Variants in PRSS3 observed in about 807,000 individuals in gnomAD.
PRSS3 encodes serine protease 3, also known as trypsin-3.
In PRSS3, 14 loss-of-function variants were observed where a neutral mutation model predicts 20.8. That is an observed-to-expected ratio of 0.67 (90% confidence interval 0.44 to 1.05). PRSS3 has a LOEUF of 1.05. PRSS3 is among the 50% of genes least tolerant of loss of function. The pLI is 0.00. For synonymous variants in PRSS3, 91 were observed against 117.6 expected (o/e 0.77, Z 1.46); for missense variants, 237 against 306.4 (o/e 0.77, Z 1.69).
chr9:33,752,017 G>A (rs116924084), intron 1 of PRSS3, among the ~76,000 whole-genome samples: 5,756 of 152,286 alleles, frequency 0.038, 153 homozygotes, highest in Non-Finnish European at 0.054. Context: ...TAAGCAAAAG[G>A]TGAGGCATGA....
upstream of PRSS3, among the ~76,000 whole-genome samples, chr9:33,794,152 C>A (rs1266680901): frequency 1.3e-5 from 2 of 152,184 alleles, no homozygotes; most frequent in Non-Finnish European, 2.9e-5. Flanking sequence ...TGCTTCCTCC[C>A]TCTAGCCCCC....
intron 1 of PRSS3, among the ~76,000 whole-genome samples, chr9:33,781,655 G>A (rs901724611): frequency 1.3e-5 from 2 of 152,040 alleles, no homozygotes; most frequent in African/African-American, 4.8e-5. Flanking sequence ...ATAAAAGTGG[G>A]AATTTTAAAA....
chr9:33,776,417 A>T (rs1485587003), intron 1 of PRSS3, among the ~76,000 whole-genome samples: 1 of 152,222 alleles, frequency 6.6e-6, no homozygotes, highest in Admixed American at 6.5e-5. Context: ...ACTGACTTTT[A>T]AAAAACAGAA....
chr9:33,771,658 T>C (rs1217818639), intron 1 of PRSS3, among the ~76,000 whole-genome samples: 1 of 139,818 alleles, frequency 7.2e-6, no homozygotes, highest in East Asian at 2.1e-4. Context: ...TTTTTTTTTT[T>C]TGAGACAGGG....
At chr9:33,755,274 T>G (rs1333376506) in intron 1 of PRSS3, among the ~76,000 whole-genome samples, 3 of 152,344 alleles carry the variant, frequency 2.0e-5, no homozygotes, top group Middle Eastern at 3.4e-3. Flanking sequence ...ATTTTCTACT[T>G]TGGTCAACAT....
upstream of PRSS3, chr9:33,795,471 C>A: frequency 6.6e-7 from 1 of 1,508,948 alleles, no homozygotes; most frequent in Non-Finnish European, 9.2e-7. Flanking sequence ...TGTGTTTGTG[C>A]TGGGAAGAAC....
chr9:33,794,406 C>G (rs1445186785), upstream of PRSS3, among the ~76,000 whole-genome samples: 1 of 152,184 alleles, frequency 6.6e-6, no homozygotes, highest in Non-Finnish European at 1.5e-5. Context: ...CTACTCTGGC[C>G]AGGTTGTGCC....
intron 3 of PRSS3, 149 bp downstream of exon 3, chr9:33,798,231 G>A (rs1825116380): frequency 1.4e-6 from 2 of 1,471,876 alleles, no homozygotes; most frequent in Non-Finnish European, 1.8e-6. Flanking sequence ...GCACCAGAGA[G>A]ATGCAAAGTC....
At chr9:33,762,831 A>C (rs1823261692) in intron 1 of PRSS3, among the ~76,000 whole-genome samples, 1 of 152,208 alleles carries the variant, frequency 6.6e-6, no homozygotes, top group Admixed American at 6.5e-5. Flanking sequence ...TCCAGGAGAG[A>C]AGCCCAAGTC....
chr9:33,796,019 T>C (rs797000853), intron 1 of PRSS3, among the ~76,000 whole-genome samples: 2 of 152,228 alleles, frequency 1.3e-5, no homozygotes, highest in Non-Finnish European at 2.9e-5. Flanking sequence ...TCTAACTTCA[T>C]TTGTCTGGGG....
intron 1 of PRSS3, among the ~76,000 whole-genome samples, chr9:33,758,911 G>C (rs1487072425): frequency 6.6e-6 from 1 of 152,148 alleles, no homozygotes; most frequent in Non-Finnish European, 1.5e-5. Context: ...CTCTGCTCTT[G>C]AAGATTCTGT....
intron 1 of PRSS3, among the ~76,000 whole-genome samples, chr9:33,758,195 T>C (rs772003348): frequency 5.9e-5 from 9 of 152,196 alleles, no homozygotes; most frequent in Non-Finnish European, 1.2e-4. Flanking sequence ...CCTACATTGA[T>C]CTACAATCTG....
chr9:33,794,111 G>C (rs1308301751), upstream of PRSS3, among the ~76,000 whole-genome samples: 1 of 152,214 alleles, frequency 6.6e-6, no homozygotes, highest in Non-Finnish European at 1.5e-5. Flanking sequence ...CCCCACATTC[G>C]CATTTTTTCC....
upstream of PRSS3, among the ~76,000 whole-genome samples, chr9:33,794,278 T>C (rs1299349458): frequency 6.6e-6 from 1 of 152,206 alleles, no homozygotes; most frequent in African/African-American, 2.4e-5. Context: ...CTCTGCTCAC[T>C]CCTGCCCATC....
upstream of PRSS3, among the ~76,000 whole-genome samples, chr9:33,792,115 A>G (rs1824658327): frequency 6.6e-6 from 1 of 152,230 alleles, no homozygotes; most frequent in African/African-American, 2.4e-5. Context: ...GATAGTAACA[A>G]AAACAATTCC....
At chr9:33,794,379 G>A (rs1319978505), upstream of PRSS3, among the ~76,000 whole-genome samples, 1 of 152,152 alleles carries the variant, frequency 6.6e-6, no homozygotes, top group Non-Finnish European at 1.5e-5. Context: ...ATCACAGACA[G>A]CATCTCCATC....
intron 1 of PRSS3, among the ~76,000 whole-genome samples, chr9:33,759,061 G>A (rs1458731973): frequency 1.3e-5 from 2 of 152,180 alleles, no homozygotes; most frequent in Non-Finnish European, 2.9e-5. Flanking sequence ...GAGGCTTCCT[G>A]CAGGAGATAA....
chr9:33,794,838 G>C (rs1200980712), upstream of PRSS3: 1 of 1,550,766 alleles, frequency 6.4e-7, no homozygotes, highest in South Asian at 1.2e-5. Context: ...AAGGGGAGGA[G>C]TGCGCCATTG....
chr9:33,792,629 T>TA, upstream of PRSS3, among the ~76,000 whole-genome samples: 1 of 152,354 alleles, frequency 6.6e-6, no homozygotes, highest in African/African-American at 2.4e-5. Flanking sequence ...CCACCATACT[T>TA]ACATCCCATC....
Sources: gnomAD v4.1 joint callset for allele counts (sites outside exome capture counted in the v4.1 genomes callset) on GRCh38, gnomAD v4.1.1 for gene constraint, MANE v1.5 for transcripts, NCBI Gene and HGNC (gene_info 2026-07-23, HGNC 2026-07-21) for gene names.